JRK: variants seen among roughly 807,000 people sequenced by gnomAD.
JRK encodes the protein jerky protein homolog.
For synonymous variants in JRK, 303 were observed against 218.1 expected (o/e 1.39, Z -3.43); for missense variants, 720 against 509.2 (o/e 1.41, Z -3.98).
Position 142,660,149 on chromosome 8 carries a change from C to A in JRK, c.*4203G>T. ...AACAAGGTCTCACAGGTCCATTCTC[C>A]CCAGCCTCCCAGTAGGCAGCTGAGT... On this transcript the variant is annotated 3_prime_UTR_variant, in exon 2 of 2. Coordinates refer to ENST00000612905, the MANE Select transcript of JRK (RefSeq NM_003724.4). 1 of 983,684 alleles carries A rather than the reference C, an allele frequency of 1.0e-6. No individual in the cohort carries two copies. Among genetic ancestry groups the A allele is most frequent in the Non-Finnish European group, 1.2e-6 (1 of 830,028 alleles). The allele number at this position is 983,684 out of a possible 1,614,324, so 60.9% of individuals were successfully genotyped here.
In JRK at chr8:142,660,965, T is replaced by C; in HGVS notation, c.*3387A>G. 1 of 985,432 alleles carries C rather than the reference T, an allele frequency of 1.0e-6. No individual in the cohort carries two copies. The highest frequency in any genetic ancestry group is 1.7e-5 in the African/African-American group (1 of 57,344). 61.0% of individuals were successfully genotyped at this position (985,432 alleles called of 1,614,324 possible). A position where few individuals can be genotyped will look rare whatever the true frequency, so the allele number is the denominator to read the frequency against. Reference sequence around the variant, plus strand: ...CAACCCCAGCGAGCTGGGGAAGCCGTGGGCAGGGGCTGCGACTTCCTTTCT... The same window carrying C: ...CAACCCCAGCGAGCTGGGGAAGCCGCGGGCAGGGGCTGCGACTTCCTTTCT... On this transcript the variant is annotated 3_prime_UTR_variant, in exon 2 of 2. Transcript: ENST00000612905.
At chr8:142,655,545 G>A (rs2129663922), downstream of JRK, among the ~76,000 whole-genome samples, 1 of 152,294 alleles carries the variant, frequency 6.6e-6, no homozygotes, top group East Asian at 1.9e-4. Flanking sequence ...GGAATCACAG[G>A]CAACAGGCAG....
intron 1 of JRK, among the ~76,000 whole-genome samples, 151 bp from the exon 2 acceptor site, chr8:142,666,671 G>A (rs1398851374): frequency 1.3e-5 from 2 of 152,216 alleles, no homozygotes; most frequent in Admixed American, 1.3e-4. Context: ...TGTGGGGAGA[G>A]GGTGGCCCCG....
At position 142,659,734 on chromosome 8, in the gene JRK, C is replaced by T. The variant is rs1389749602; in HGVS notation, c.*4618G>A. On this transcript the variant is annotated 3_prime_UTR_variant, in exon 2 of 2. Coordinates refer to ENST00000612905, the MANE Select transcript of JRK (RefSeq NM_003724.4). ...CCTCTGTTTACAGTTGAGTGCACTGCTCAAGGTCATGCAGCTGGTGAACAG... is the reference window on the plus strand; with the variant it reads ...CCTCTGTTTACAGTTGAGTGCACTGTTCAAGGTCATGCAGCTGGTGAACAG... 2.0e-6 allele frequency: 2 copies of T among 985,394 alleles called. No individual in the cohort carries two copies. The highest frequency in any genetic ancestry group is 2.4e-6 in the Non-Finnish European group (2 of 829,976). The allele number at this position is 985,394 out of a possible 1,614,324, so 61.0% of individuals were successfully genotyped here. A position where few individuals can be genotyped will look rare whatever the true frequency, so the allele number is the denominator to read the frequency against.
the JRK span, among the ~76,000 whole-genome samples, chr8:142,648,583 T>G: frequency 6.6e-6 from 1 of 152,234 alleles, no homozygotes; most frequent in Non-Finnish European, 1.5e-5. Flanking sequence ...AGAATTGAAG[T>G]TTGGGAACCT....
intron 1 of JRK, 147 bp downstream of exon 1, chr8:142,669,785 G>A (rs192540846): frequency 0.023 from 3,416 of 149,374 alleles, 123 homozygotes; most frequent in African/African-American, 0.075. Context: ...CCGCAGCCTC[G>A]CGACCAACCC....
intron 1 of JRK, 78 bp downstream of exon 1, chr8:142,669,854 C>T (rs1847271814): frequency 6.6e-6 from 1 of 152,346 alleles, no homozygotes; most frequent in Admixed American, 6.6e-5. Context: ...CCGCCCGCGC[C>T]CACCAGGGAC....
chr8:142,668,400 C>G (rs1847198474), intron 1 of JRK, among the ~76,000 whole-genome samples: 1 of 152,172 alleles, frequency 6.6e-6, no homozygotes, highest in African/African-American at 2.4e-5. Context: ...CTTAAGGATC[C>G]TGCATTGTTC....
rs923350341 is a variant in JRK, at chr8:142,665,894, G to T, written c.165C>A (p.Ile55=). 2.5e-6 allele frequency: 2 copies of T among 787,528 alleles called. No individual in the cohort carries two copies. Among genetic ancestry groups the T allele is most frequent in the Non-Finnish European group, 4.7e-6 (2 of 424,874 alleles). The allele number at this position is 787,528 out of a possible 1,614,324, so 48.8% of individuals were successfully genotyped here. ...GGAGCAGCTGCGCCTTGTGGGCCCTGATGTCGTAGAGGGTGGACATGCCCA... is the reference window on the plus strand; with the variant it reads ...GGAGCAGCTGCGCCTTGTGGGCCCTTATGTCGTAGAGGGTGGACATGCCCA... ...YNVGMSTLYD[I]RAHKAQLLRF... Residue 55 remains isoleucine, a synonymous_variant, in exon 2 of 2, where the codon ATC becomes ATA. Transcript: ENST00000612905.
At position 142,659,217 on chromosome 8, in the gene JRK, G is replaced by C; in HGVS notation, c.*5135C>G. The C allele has an allele frequency of 8.6e-7, 1 of 1,161,598 alleles. No individual in the cohort carries two copies. The highest frequency in any genetic ancestry group is 1.1e-6 in the Non-Finnish European group (1 of 937,612). 72.0% of individuals were successfully genotyped at this position (1,161,598 alleles called of 1,614,324 possible). A position where few individuals can be genotyped will look rare whatever the true frequency, so the allele number is the denominator to read the frequency against. On this transcript the variant is annotated 3_prime_UTR_variant, in exon 2 of 2. Coordinates refer to ENST00000612905, the MANE Select transcript of JRK (RefSeq NM_003724.4). ...CTTCCTTTCACACACATCAGAAATA[G>C]GGAACCCAAGACCTCGAGAGAGGAA...
the JRK span, among the ~76,000 whole-genome samples, chr8:142,648,565 A>AGT: frequency 6.6e-6 from 1 of 152,258 alleles, no homozygotes; most frequent in African/African-American, 2.4e-5. Context: ...GTGAGTCCAC[A>AGT]GAAGTCAAGA....
rs908456725 is a variant in JRK, at chr8:142,660,188, C to A, written c.*4164G>T. 5.1e-6 allele frequency: 5 copies of A among 985,392 alleles called. No homozygotes were observed. In the African/African-American group the frequency reaches 7.0e-5, roughly 14 times the overall value. The allele number at this position is 985,392 out of a possible 1,614,324, so 61.0% of individuals were successfully genotyped here. A position where few individuals can be genotyped will look rare whatever the true frequency, so the allele number is the denominator to read the frequency against. On this transcript the variant is annotated 3_prime_UTR_variant, in exon 2 of 2. Coordinates refer to ENST00000612905, the MANE Select transcript of JRK (RefSeq NM_003724.4). Reference sequence around the variant, plus strand: ...AGGCAGCTGAGTCCAACGCAGTGCCCGAGAGCTCAGCCCTTGTCAAGGAGA... The same window carrying A: ...AGGCAGCTGAGTCCAACGCAGTGCCAGAGAGCTCAGCCCTTGTCAAGGAGA...
chr8:142,660,012 G>A lies in JRK; in HGVS notation c.*4340C>T, dbSNP rs915990028. 10 of 985,790 alleles carry A rather than the reference G, an allele frequency of 1.0e-5. No individual in the cohort carries two copies. In the Admixed American group the frequency reaches 3.7e-4, roughly 36 times the overall value. The allele number at this position is 985,790 out of a possible 1,614,324, so 61.1% of individuals were successfully genotyped here. On this transcript the variant is annotated 3_prime_UTR_variant, in exon 2 of 2. Coordinates refer to ENST00000612905, the MANE Select transcript of JRK (RefSeq NM_003724.4). ...CACATGGGCAAAGGAGTGGGCGTGT[G>A]GGGCTGGGAGCTGGGGCTCATGTGG... is the stretch of plus-strand genomic sequence containing the variant.
chr8:142,660,451 G>A lies in JRK; in HGVS notation c.*3901C>T. 1 of 975,800 alleles carries A rather than the reference G, an allele frequency of 1.0e-6. No individual in the cohort carries two copies. The highest frequency in any genetic ancestry group is 1.2e-6 in the Non-Finnish European group (1 of 821,088). 60.4% of individuals were successfully genotyped at this position (975,800 alleles called of 1,614,324 possible). On this transcript the variant is annotated 3_prime_UTR_variant, in exon 2 of 2. Transcript: ENST00000612905. ...TTAGGTCTCTCACTCTGTCACCCAG[G>A]CTGGAGTGCAGAGGCCATAACTCAC... is the stretch of plus-strand genomic sequence containing the variant.
Position 142,661,453 on chromosome 8 carries a change from A to G in JRK, c.*2899T>C. 4 of 985,524 alleles carry G rather than the reference A, an allele frequency of 4.1e-6. No homozygotes were observed. The highest frequency in any genetic ancestry group is 4.8e-6 in the Non-Finnish European group (4 of 830,012). The allele number at this position is 985,524 out of a possible 1,614,324, so 61.0% of individuals were successfully genotyped here. A position where few individuals can be genotyped will look rare whatever the true frequency, so the allele number is the denominator to read the frequency against. ...ACTCAGGGGTGCCACCCCAAAGATG[A>G]AGGCAGTGGTGGAAAGAGGTTCTAT... is the stretch of plus-strand genomic sequence containing the variant. On this transcript the variant is annotated 3_prime_UTR_variant, in exon 2 of 2. Coordinates refer to ENST00000612905, the MANE Select transcript of JRK (RefSeq NM_003724.4).
In JRK at chr8:142,664,934, G is replaced by C. The variant is rs587717182; in HGVS notation, c.1125C>G (p.Ser375Arg). ...TCCTCCAGGCCCGCCTGAAGACGTG[G>C]CTAGGGACTGCGTTCCAGGCACAGG... is the stretch of plus-strand genomic sequence containing the variant. The part of the protein sequence containing the change: ...SVACAWNAVP[S>R]HVFRRAWRKL... The change falls in exon 2 of 2, where the codon AGC (serine) becomes AGG (arginine). Residue 375 changes from serine (S) to arginine (R), a missense_variant. Physicochemically the swap from Ser to Arg is moderately radical, Grantham distance 110. Transcript: ENST00000612905. 3.9e-5 allele frequency: 34 copies of C among 862,214 alleles called. No homozygotes were observed. The highest frequency in any genetic ancestry group is 3.0e-4 in the Admixed American group (17 of 56,310). 53.4% of individuals were successfully genotyped at this position (862,214 alleles called of 1,614,324 possible). A position where few individuals can be genotyped will look rare whatever the true frequency, so the allele number is the denominator to read the frequency against.
the JRK span, among the ~76,000 whole-genome samples, chr8:142,649,530 C>T: frequency 6.6e-6 from 1 of 152,168 alleles, no homozygotes; most frequent in Non-Finnish European, 1.5e-5. Flanking sequence ...CGTTCCATTC[C>T]CCCATGATTG....
At position 142,661,879 on chromosome 8, in the gene JRK, T is replaced by A. The variant is rs1554634619; in HGVS notation, c.*2473A>T. The A allele has an allele frequency of 1.0e-6, 1 of 985,306 alleles. No individual in the cohort carries two copies. The highest frequency in any genetic ancestry group is 1.2e-6 in the Non-Finnish European group (1 of 829,986). 61.0% of individuals were successfully genotyped at this position (985,306 alleles called of 1,614,324 possible). A position where few individuals can be genotyped will look rare whatever the true frequency, so the allele number is the denominator to read the frequency against. The stretch of plus-strand genomic sequence containing the variant: ...ACAAAGTGCTCGGAGGACACGGCAG[T>A]CTCCATAAAGCGTTCTGGGGGACAG... On this transcript the variant is annotated 3_prime_UTR_variant, in exon 2 of 2. Coordinates refer to ENST00000612905, the MANE Select transcript of JRK (RefSeq NM_003724.4).
chr8:142,661,931 CA>C lies in JRK; in HGVS notation c.*2420del, dbSNP rs1432875179. ...ACCGAGGCAAGAGGTATGCACCAGG[CA>C]GCTGGGCCCAGCAGCTCAGAGATGA... On this transcript the variant is annotated 3_prime_UTR_variant, in exon 2 of 2. Transcript: ENST00000612905. The C allele has an allele frequency of 3.0e-6, 3 of 985,434 alleles. No individual in the cohort carries two copies. In the African/African-American group the frequency reaches 5.2e-5, roughly 17 times the overall value. The allele number at this position is 985,434 out of a possible 1,614,324, so 61.0% of individuals were successfully genotyped here.
Sources: allele counts gnomAD v4.1 joint callset (sites outside exome capture counted in the v4.1 genomes callset), GRCh38; gene constraint gnomAD v4.1.1; transcripts MANE v1.5; gene names NCBI Gene and HGNC (gene_info 2026-07-23, HGNC 2026-07-21).